Variants in METTL5 observed in about 807,000 individuals in gnomAD.
METTL5 encodes rRNA N(6)-adenosine-methyltransferase METTL5.
Under a neutral mutation model 26.5 loss-of-function variants are expected in METTL5, and 28 were observed. The ratio of observed to expected loss-of-function variants is 1.06; its 90% CI spans 0.78 to 1.45. The LOEUF (loss-of-function observed/expected upper bound fraction) is 1.45, where lower values mean the gene tolerates loss of function less well. METTL5 is among the 40% of genes most tolerant of loss of function. The pLI, the probability that METTL5 is intolerant of heterozygous loss-of-function variation, is 0.00. For synonymous variants in METTL5, 86 were observed against 82.6 expected, an observed-to-expected ratio of 1.04 and a Z score of -0.22; for missense variants, 231 against 249.9, an observed-to-expected ratio of 0.92 and a Z score of 0.51.
intron 3 of METTL5, among the ~76,000 whole-genome samples, chr2:169,820,549 T>G (rs2081570275): frequency 6.6e-6 from 1 of 152,212 alleles, no homozygotes; most frequent in Admixed American, 6.5e-5. Context: ...GTTGAAAAAC[T>G]CAGTTTCTTA....
At chr2:169,820,709 T>C (rs1376083559) in intron 3 of METTL5, among the ~76,000 whole-genome samples, 1 of 152,020 alleles carries the variant, frequency 6.6e-6, no homozygotes, top group African/African-American at 2.4e-5. Context: ...ATAAAAATGG[T>C]TTTTATTTTT....
At position 169,822,026 on chromosome 2, in the gene METTL5, A is replaced by C; in HGVS notation, c.141T>G (p.Tyr47Ter). The change falls in exon 2 of 7, where the codon TAT (tyrosine) becomes TAG (stop). Residue 47 changes from tyrosine (Y) to a stop codon, truncating the protein, a stop_gained. Coordinates refer to ENST00000260953, the MANE Select transcript of METTL5 (RefSeq NM_014168.4). LOFTEE classifies it high-confidence loss of function. Reference protein sequence around the residue: ...ACMLYTIHNTYDDIENKVVAD... With the variant: ...ACMLYTIHNT ...CAACGACTTTATTTTCAATGTCATC[A>C]TAAGTGTTATGGATTGTATAGAGCA... The C allele has an allele frequency of 6.2e-7, 1 of 1,612,740 alleles. No homozygotes were observed. Among genetic ancestry groups the C allele is most frequent in the Non-Finnish European group, 8.5e-7 (1 of 1,179,980 alleles).
intron 1 of METTL5, 26 bp downstream of exon 1, chr2:169,824,462 CG>C: frequency 6.6e-7 from 1 of 1,511,074 alleles, no homozygotes; most frequent in Non-Finnish European, 9.2e-7. Context: ...CGCCGAAAGC[CG>C]GGGCGTGGTG....
At chr2:169,824,051 A>T (rs1328274342) in intron 1 of METTL5, 1 of 158,588 alleles carries the variant, frequency 6.3e-6, no homozygotes, top group African/African-American at 2.4e-5. Context: ...ATTCATTTCT[A>T]GGGCAGAGTA....
At chr2:169,811,927 A>T (rs1689972783) in intron 6 of METTL5, 69 bp from the exon 7 acceptor site, 1 of 1,520,806 alleles carries the variant, frequency 6.6e-7, no homozygotes, top group Non-Finnish European at 9.1e-7. Context: ...ATTTCTTTGA[A>T]TGTATTGTTC....
chr2:169,814,866 C>T (rs1339515867), intron 5 of METTL5, among the ~76,000 whole-genome samples: 12 of 151,704 alleles, frequency 7.9e-5, no homozygotes, highest in African/African-American at 1.7e-4. Flanking sequence ...TGAGCTACCG[C>T]GCCCGGCCCA....
At chr2:169,822,462 TC>T (rs1207982850) in intron 1 of METTL5, among the ~76,000 whole-genome samples, 2 of 152,218 alleles carry the variant, frequency 1.3e-5, no homozygotes, top group Non-Finnish European at 2.9e-5. Flanking sequence ...TTTAAAAAAA[TC>T]CTTTTTTGTC....
intron 1 of METTL5, among the ~76,000 whole-genome samples, chr2:169,822,559 T>C (rs1252484303): frequency 6.6e-6 from 1 of 152,152 alleles, no homozygotes; most frequent in Admixed American, 6.5e-5. Flanking sequence ...GGAACCACTA[T>C]CAAACAAGCA....
chr2:169,814,526 C>A (rs1467345765), intron 5 of METTL5, among the ~76,000 whole-genome samples: 2 of 143,684 alleles, frequency 1.4e-5, no homozygotes, highest in Non-Finnish European at 3.0e-5. Flanking sequence ...AATGTGGTGG[C>A]ATTTTCTATG....
At chr2:169,820,637 T>C (rs2081570880) in intron 3 of METTL5, among the ~76,000 whole-genome samples, 1 of 152,232 alleles carries the variant, frequency 6.6e-6, no homozygotes, top group Admixed American at 6.5e-5. Flanking sequence ...TGAAGAGTAA[T>C]AACATCACTT....
intron 6 of METTL5, 185 bp downstream of exon 6, chr2:169,812,266 GTCTCAC>G (rs1029681104): frequency 1.2e-6 from 1 of 849,474 alleles, no homozygotes; most frequent in Non-Finnish European, 1.8e-6. Context: ...TCGAGACTGA[GTCTCAC>G]TCTTATCGCG....
chr2:169,824,563 C>T lies in METTL5; in HGVS notation c.35G>A (p.Arg12His), dbSNP rs375682466. 1.2e-6 allele frequency: 2 copies of T among 1,614,032 alleles called. No homozygotes were observed. Among genetic ancestry groups the T allele is most frequent in the Non-Finnish European group, 1.7e-6 (2 of 1,179,994 alleles). The change falls in exon 1 of 7, where the codon CGC (arginine) becomes CAC (histidine). Residue 12 changes from arginine (R) to histidine (H), a missense_variant. Arg to His is a conservative substitution (Grantham distance 29, BLOSUM62 0). Transcript: ENST00000260953. Reference protein sequence around the residue: ...KKVRLKELESRLQQVDGFEKP... With the variant: ...KKVRLKELESHLQQVDGFEKP... ...TTCAAATCCATCCACTTGTTGCAGG[C>T]GACTCTCTAGTTCCTTAAGCCTTAC...
At chr2:169,814,473 A>AAAAAAAAAAAAAAAAG (rs1690079955) in intron 5 of METTL5, among the ~76,000 whole-genome samples, 1 of 149,026 alleles carries the variant, frequency 6.7e-6, no homozygotes, top group Admixed American at 6.7e-5. Context: ...TGTCTCAAAA[A>AAAAAAAAAAAAAAAAG]AAAAAAAAGA....
rs761334763 is a variant in METTL5 at position 169,821,946 on chromosome 2, GCTC to G, written c.218_220del (p.Gly73del). The stretch of plus-strand genomic sequence containing the variant: ...TAGCATATATTGCATTACGTACCCT[GCTC>G]CTAACATTGCAGTTCCGATGCTAAG... On this transcript the variant is annotated inframe_deletion, in exon 2 of 7. Transcript: ENST00000260953. 6.2e-7 allele frequency: 1 copy of G among 1,612,678 alleles called. No homozygotes were observed. Among genetic ancestry groups the G allele is most frequent in the African/African-American group, 1.3e-5 (1 of 74,688 alleles).
chr2:169,813,536 T>A (rs1690048937), intron 5 of METTL5, among the ~76,000 whole-genome samples: 1 of 151,842 alleles, frequency 6.6e-6, no homozygotes, highest in Non-Finnish European at 1.5e-5. Context: ...CTGGGACTGT[T>A]CTAAGGTGTT....
intron 4 of METTL5, among the ~76,000 whole-genome samples, chr2:169,818,784 CAT>C (rs1255508584): frequency 6.6e-5 from 10 of 152,312 alleles, no homozygotes; most frequent in Non-Finnish European, 1.2e-4. Context: ...AGCAATTACA[CAT>C]GTCAGACACT....
At chr2:169,821,855 G>T in intron 2 of METTL5, 88 bp downstream of exon 2, 2 of 1,183,648 alleles carry the variant, frequency 1.7e-6, no homozygotes, top group Non-Finnish European at 2.5e-6. Flanking sequence ...TCATTCTGTG[G>T]AGTCTCATAA....
rs183568467 is a variant in METTL5 at position 169,813,625 on chromosome 2, C to T, written c.542-1119G>A. On this transcript the variant is annotated intron_variant, in intron 5 of 6. Coordinates refer to ENST00000260953, the MANE Select transcript of METTL5 (RefSeq NM_014168.4). Reference sequence around the variant, plus strand: ...ATCCCAGCACTTTGGGAGGCCAAGGCGGGCGGATGACCTGAGGTGAAGAGT... The same window carrying T: ...ATCCCAGCACTTTGGGAGGCCAAGGTGGGCGGATGACCTGAGGTGAAGAGT... Among the ~76,000 whole-genome samples the T allele has an allele frequency of 6.0e-3, 913 of 151,360 alleles. 4 individuals are homozygous for T. The highest frequency in any genetic ancestry group is 0.02 in the African/African-American group (845 of 41,322).
At position 169,821,886 on chromosome 2, in the gene METTL5, T is replaced by C. The variant is rs148506299; in HGVS notation, c.224+57A>G. On this transcript the variant is annotated intron_variant, in intron 2 of 6. Transcript: ENST00000260953. ...CATAAATATAATTCAGTTAATCCCA[T>C]TGATGCTCCTTATTAAAGCCACCCA... is the stretch of plus-strand genomic sequence containing the variant. 175 of 1,478,400 alleles carry C rather than the reference T, an allele frequency of 1.2e-4. No individual in the cohort carries two copies. The East Asian group carries it at 3.0e-3, about 26-fold the overall frequency. The allele number at this position is 1,478,400 out of a possible 1,614,324, so 91.6% of individuals were successfully genotyped here.
Sources: gnomAD v4.1 joint callset for allele counts (sites outside exome capture counted in the v4.1 genomes callset) on GRCh38, gnomAD v4.1.1 for gene constraint, MANE v1.5 for transcripts, NCBI Gene and HGNC (gene_info 2026-07-23, HGNC 2026-07-21) for gene names.